Variants in FNIP2 observed in about 807,000 individuals in gnomAD.
FNIP2 encodes folliculin-interacting protein 2.
FNIP2 carries 32 observed loss-of-function variants against 108.7 expected under a neutral mutation model. The ratio of observed to expected loss-of-function variants is 0.29; its 90% CI spans 0.22 to 0.40. FNIP2 has a LOEUF of 0.40. Ranked by LOEUF, FNIP2 falls within the 10% of genes least tolerant of loss-of-function variation. The pLI is 1.00. For missense variants in FNIP2, 1,202 were observed against 1,381.6 expected, an observed-to-expected ratio of 0.87 and a Z score of 2.06; for synonymous variants, 480 against 496.7, an observed-to-expected ratio of 0.97 and a Z score of 0.45.
rs368995836 is a variant in FNIP2, at chr4:158,898,797, T to G, written c.3266+2932T>G. On this transcript the variant is annotated intron_variant, in intron 16 of 16. Transcript: ENST00000264433. ...ATCTGCAAACAGAGACAATTTGACT[T>G]CCTCTCTTCCTATTTGAATACGCTT... is the stretch of plus-strand genomic sequence containing the variant. Among the ~76,000 whole-genome samples the G allele has an allele frequency of 2.9e-4, 44 of 152,346 alleles. 1 individual carries two copies. The East Asian group carries it at 3.7e-3, about 13-fold the overall frequency.
rs1729972171 is a variant in FNIP2, at chr4:158,907,819, C to T, written c.*3275C>T. On this transcript the variant is annotated 3_prime_UTR_variant, in exon 17 of 17. Transcript: ENST00000264433. ...TGTCAAAATATGATGAACGATATAT[C>T]TTGAAAGTGAGATTGCAATATGCTT... 1 of 152,116 alleles carries T rather than the reference C, an allele frequency of 6.6e-6. No homozygotes were observed. Among genetic ancestry groups the T allele is most frequent in the Non-Finnish European group, 1.5e-5 (1 of 68,020 alleles). 9.4% of individuals were successfully genotyped at this position (152,116 alleles called of 1,614,324 possible).
intron 5 of FNIP2, among the ~76,000 whole-genome samples, 156 bp downstream of exon 5, chr4:158,832,294 A>G (rs540878550): frequency 4.6e-5 from 7 of 152,358 alleles, no homozygotes; most frequent in African/African-American, 1.4e-4. Flanking sequence ...TCCTATAAAC[A>G]GTGAGTGGGA....
intron 16 of FNIP2, among the ~76,000 whole-genome samples, chr4:158,903,842 C>T (rs1208864722): frequency 2.0e-5 from 3 of 152,092 alleles, no homozygotes; most frequent in Non-Finnish European, 4.4e-5. Flanking sequence ...TCATTTTTAG[C>T]CAGTGCCCAT....
intron 3 of FNIP2, among the ~76,000 whole-genome samples, chr4:158,830,141 G>A (rs1309143360): frequency 6.6e-6 from 1 of 151,758 alleles, no homozygotes; most frequent in Non-Finnish European, 1.5e-5. Flanking sequence ...TAGTAATAAA[G>A]AATGTGAAAA....
intron 7 of FNIP2, among the ~76,000 whole-genome samples, chr4:158,841,760 C>T (rs994235208): frequency 1.3e-5 from 2 of 152,200 alleles, no homozygotes; most frequent in African/African-American, 4.8e-5. Flanking sequence ...CTGCCCTACC[C>T]GCCTCAGACT....
chr4:158,771,548 A>G (rs75138892), intron 1 of FNIP2, among the ~76,000 whole-genome samples: 3 of 152,350 alleles, frequency 2.0e-5, no homozygotes, highest in African/African-American at 7.2e-5. Flanking sequence ...GCCCTTGGGA[A>G]CTACCTTGTA....
intron 1 of FNIP2, among the ~76,000 whole-genome samples, chr4:158,785,390 T>C (rs1776192118): frequency 6.6e-6 from 1 of 152,164 alleles, no homozygotes; most frequent in Admixed American, 6.5e-5. Context: ...GGCCCCTCTC[T>C]TTTTTAAAAC....
At chr4:158,844,370 G>A (rs1779288667) in intron 7 of FNIP2, among the ~76,000 whole-genome samples, 1 of 152,104 alleles carries the variant, frequency 6.6e-6, no homozygotes, top group South Asian at 2.1e-4. Context: ...TTTTCATATA[G>A]GATGTCTGGG....
chr4:158,882,332 G>A (rs1781709789), intron 14 of FNIP2, among the ~76,000 whole-genome samples: 1 of 151,944 alleles, frequency 6.6e-6, no homozygotes, highest in African/African-American at 2.4e-5. Flanking sequence ...TGGGAGGGAG[G>A]TGAGGGGCAG....
chr4:158,879,804 AAAG>A (rs1245613740), intron 14 of FNIP2, among the ~76,000 whole-genome samples: 2 of 150,514 alleles, frequency 1.3e-5, no homozygotes, highest in East Asian at 3.9e-4. Flanking sequence ...ACACTTCACA[AAAG>A]AAGACATTTA....
At chr4:158,841,782 A>T (rs760747164) in intron 7 of FNIP2, among the ~76,000 whole-genome samples, 1 of 152,270 alleles carries the variant, frequency 6.6e-6, no homozygotes, top group Non-Finnish European at 1.5e-5. Context: ...GAGCTGCAGT[A>T]TATAAAAGCA....
intron 8 of FNIP2, among the ~76,000 whole-genome samples, chr4:158,854,401 G>A (rs1779868239): frequency 1.3e-5 from 2 of 152,216 alleles, no homozygotes; most frequent in Non-Finnish European, 2.9e-5. Context: ...AGCCATTAGT[G>A]TGGGTCCAAG....
intron 1 of FNIP2, among the ~76,000 whole-genome samples, chr4:158,785,087 C>CTTTTTTTTTTTTTTTTT (rs397805773): frequency 2.4e-5 from 3 of 123,202 alleles, no homozygotes; most frequent in African/African-American, 6.7e-5. Flanking sequence ...TAAAGTTCCT[C>CTTTTTTTTTTTTTTTTT]TTTTTTTTTT....
At position 158,831,868 on chromosome 4, in the gene FNIP2, G is replaced by A. The variant is rs1265991556; in HGVS notation, c.389G>A (p.Arg130Lys). Residue 130 changes from arginine to lysine, a missense_variant, in exon 4 of 17, where the codon AGA (arginine) becomes AAA (lysine). Arg to Lys is a conservative substitution (Grantham distance 26). Coordinates refer to ENST00000264433, the MANE Select transcript of FNIP2 (RefSeq NM_020840.3). ...TTGTTTTCTTGCATGTAGTACACAA[G>A]ACCAGCTTCCGATGTCAACATGTTA... is the stretch of plus-strand genomic sequence containing the variant. The part of the protein sequence containing the change: ...KEQLPKYQYT[R>K]PASDVNMLGE... 4 of 1,610,122 alleles carry A rather than the reference G, an allele frequency of 2.5e-6. No homozygotes were observed. The highest frequency in any genetic ancestry group is 3.4e-6 in the Non-Finnish European group (4 of 1,177,956).
chr4:158,899,400 A>G (rs1214534534), intron 16 of FNIP2, among the ~76,000 whole-genome samples: 3 of 152,010 alleles, frequency 2.0e-5, no homozygotes, highest in South Asian at 2.1e-4. Flanking sequence ...CTCTTTTTCT[A>G]TTGTTTGGAA....
At chr4:158,897,036 C>T (rs55836615) in intron 16 of FNIP2, among the ~76,000 whole-genome samples, 13,502 of 151,928 alleles carry the variant, frequency 0.089, 789 homozygotes, top group Non-Finnish European at 0.14. Context: ...GTGATGTTCC[C>T]CTTCCTGTGT....
At chr4:158,820,226 T>C (rs1457532284) in intron 1 of FNIP2, among the ~76,000 whole-genome samples, 1 of 152,204 alleles carries the variant, frequency 6.6e-6, no homozygotes, top group Non-Finnish European at 1.5e-5. Flanking sequence ...TATTTTTGAC[T>C]GTGTGGGGAG....
chr4:158,851,700 T>C (rs565455467), intron 8 of FNIP2, among the ~76,000 whole-genome samples: 1 of 152,206 alleles, frequency 6.6e-6, no homozygotes, highest in African/African-American at 2.4e-5. Flanking sequence ...TTGAGCTAGA[T>C]TGGGTGTTCA....
intron 9 of FNIP2, 40 bp downstream of exon 9, chr4:158,859,298 T>TGTGG: frequency 6.5e-7 from 1 of 1,546,770 alleles, no homozygotes; most frequent in Non-Finnish European, 8.8e-7. Context: ...GAGAAGTGAT[T>TGTGG]GTGGGGCTTT....
Sources: gnomAD v4.1 joint callset for allele counts (sites outside exome capture counted in the v4.1 genomes callset) on GRCh38, gnomAD v4.1.1 for gene constraint, MANE v1.5 for transcripts, NCBI Gene and HGNC (gene_info 2026-07-23, HGNC 2026-07-21) for gene names.